The following CTNNA3 variants were observed in gnomAD, a reference collection of about 807,000 sequenced individuals.
The protein encoded by CTNNA3 is catenin alpha-3.
In CTNNA3, 76 loss-of-function variants were observed where a neutral mutation model predicts 95.7. The ratio of observed to expected loss-of-function variants is 0.79; its 90% CI spans 0.66 to 0.96. The LOEUF (loss-of-function observed/expected upper bound fraction) is 0.96. CTNNA3 is among the 40% of genes least tolerant of loss of function. CTNNA3 has a pLI of 0.00. For missense variants in CTNNA3, 1,191 were observed against 1,089.8 expected (o/e 1.09, Z -1.31); for synonymous variants, 431 against 374.4 (o/e 1.15, Z -1.74).
intron 7 of CTNNA3, among the ~76,000 whole-genome samples, chr10:66,821,942 T>C (rs1303421588): frequency 6.6e-6 from 1 of 152,102 alleles, no homozygotes; most frequent in African/African-American, 2.4e-5. Context: ...GCAGAGTATT[T>C]GTTTCTGTAA....
At chr10:66,572,572 A>AG (rs1289381892) in intron 10 of CTNNA3, among the ~76,000 whole-genome samples, 1 of 151,658 alleles carries the variant, frequency 6.6e-6, no homozygotes, top group East Asian at 1.9e-4. Context: ...ACTCAAAAAA[A>AG]AAAACAAAAC....
At chr10:66,518,970 T>A (rs568747743) in intron 11 of CTNNA3, among the ~76,000 whole-genome samples, 20 of 152,180 alleles carry the variant, frequency 1.3e-4, no homozygotes, top group African/African-American at 4.6e-4. Flanking sequence ...TGAGAATGTA[T>A]ACATACATGA....
chr10:66,249,039 A>G (rs990475969), intron 13 of CTNNA3, among the ~76,000 whole-genome samples: 10 of 152,194 alleles, frequency 6.6e-5, no homozygotes, highest in Admixed American at 2.6e-4. Flanking sequence ...TGCCAAGAAT[A>G]TACACTGGGG....
intron 11 of CTNNA3, among the ~76,000 whole-genome samples, chr10:66,499,399 T>C (rs947590417): frequency 6.6e-6 from 1 of 152,130 alleles, no homozygotes; most frequent in Non-Finnish European, 1.5e-5. Context: ...TTTTTCCTGA[T>C]TTAGAAAGGT....
At chr10:66,208,202 G>T (rs914205468) in intron 13 of CTNNA3, among the ~76,000 whole-genome samples, 1 of 152,086 alleles carries the variant, frequency 6.6e-6, no homozygotes, top group Admixed American at 6.6e-5. Flanking sequence ...TAAGAATTAA[G>T]TAGACAGAGA....
intron 10 of CTNNA3, among the ~76,000 whole-genome samples, chr10:66,619,216 T>C (rs1253158826): frequency 2.6e-5 from 4 of 151,492 alleles, no homozygotes; most frequent in African/African-American, 9.7e-5. Context: ...ACTGGGTATA[T>C]ACCCAAAGGA....
At chr10:67,582,660 G>T (rs1842448048) in intron 3 of CTNNA3, among the ~76,000 whole-genome samples, 1 of 150,854 alleles carries the variant, frequency 6.6e-6, no homozygotes, top group Admixed American at 6.6e-5. Context: ...ACAGTGGGGT[G>T]TTTAAGTCTC....
intron 10 of CTNNA3, among the ~76,000 whole-genome samples, chr10:66,612,761 T>C (rs1441933355): frequency 1.3e-5 from 2 of 152,074 alleles, no homozygotes; most frequent in Non-Finnish European, 2.9e-5. Flanking sequence ...TACATGTTTT[T>C]CCATCTCCGT....
chr10:67,364,631 T>C (rs1843137397), intron 5 of CTNNA3, among the ~76,000 whole-genome samples: 1 of 152,162 alleles, frequency 6.6e-6, no homozygotes, highest in African/African-American at 2.4e-5. Flanking sequence ...TCACAATTAC[T>C]ACAAAGAGAA....
chr10:66,181,434 C>G (rs1374817071), intron 13 of CTNNA3, among the ~76,000 whole-genome samples: 1 of 152,054 alleles, frequency 6.6e-6, no homozygotes, highest in Non-Finnish European at 1.5e-5. Flanking sequence ...TTTTGGGGCT[C>G]TATTATTATT....
At chr10:66,950,181 T>G (rs1346691119) in intron 7 of CTNNA3, among the ~76,000 whole-genome samples, 1 of 152,186 alleles carries the variant, frequency 6.6e-6, no homozygotes, top group Non-Finnish European at 1.5e-5. Context: ...CAAATTTAAC[T>G]CTTACATAAA....
intron 5 of CTNNA3, among the ~76,000 whole-genome samples, chr10:67,308,910 G>A (rs1426030308): frequency 6.6e-6 from 1 of 152,030 alleles, no homozygotes; most frequent in Non-Finnish European, 1.5e-5. Context: ...TTTCCTATTA[G>A]TGAATTTTAA....
chr10:67,204,307 C>T (rs1286690143), intron 6 of CTNNA3, among the ~76,000 whole-genome samples: 1 of 151,988 alleles, frequency 6.6e-6, no homozygotes, highest in Admixed American at 6.6e-5. Flanking sequence ...AGCACCATCT[C>T]CCCTTGGTAC....
intron 15 of CTNNA3, among the ~76,000 whole-genome samples, chr10:65,994,999 G>T: frequency 6.6e-6 from 1 of 151,564 alleles, no homozygotes. Context: ...CAGAATTTTT[G>T]TTTCTTTTTT....
intron 10 of CTNNA3, among the ~76,000 whole-genome samples, chr10:66,613,096 G>A (rs1483145337): frequency 2.0e-5 from 3 of 152,086 alleles, no homozygotes; most frequent in East Asian, 1.9e-4. Context: ...AAATGAGGCT[G>A]TAAACACTTT....
At chr10:66,418,053 A>G (rs546155801) in intron 11 of CTNNA3, among the ~76,000 whole-genome samples, 1 of 151,780 alleles carries the variant, frequency 6.6e-6, no homozygotes, top group African/African-American at 2.4e-5. Context: ...AAAAACAATA[A>G]AAAGCATGAA....
intron 10 of CTNNA3, among the ~76,000 whole-genome samples, chr10:66,582,713 T>C (rs532098435): frequency 6.6e-6 from 1 of 151,906 alleles, no homozygotes; most frequent in African/African-American, 2.4e-5. Context: ...CTTGTCTTAT[T>C]TCAGTTAATA....
chr10:66,834,179 T>C (rs1400051487), intron 7 of CTNNA3, among the ~76,000 whole-genome samples: 1 of 152,216 alleles, frequency 6.6e-6, no homozygotes, highest in African/African-American at 2.4e-5. Context: ...CCAGCTTTTG[T>C]ACCTATTATG....
intron 7 of CTNNA3, among the ~76,000 whole-genome samples, chr10:66,810,638 T>C (rs1841839248): frequency 1.4e-5 from 1 of 69,106 alleles, no homozygotes; most frequent in Non-Finnish European, 2.5e-5. Flanking sequence ...GAGTAAAATA[T>C]TTTGTTACTT....
Sources: gnomAD v4.1 joint callset for allele counts (sites outside exome capture counted in the v4.1 genomes callset) on GRCh38, gnomAD v4.1.1 for gene constraint, MANE v1.5 for transcripts, NCBI Gene and HGNC (gene_info 2026-07-23, HGNC 2026-07-21) for gene names.